Variants in DGKB observed in about 807,000 individuals in gnomAD.
DGKB encodes the protein 90 kDa diacylglycerol kinase.
In DGKB, 67 loss-of-function variants were observed where a neutral mutation model predicts 114.3. The ratio of observed to expected loss-of-function variants is 0.59; its 90% CI spans 0.48 to 0.72. The LOEUF is 0.72. Ranked by LOEUF, DGKB falls within the 30% of genes least tolerant of loss-of-function variation. DGKB has a pLI of 0.00. For synonymous variants in DGKB, 398 were observed against 323.1 expected, an observed-to-expected ratio of 1.23 and a Z score of -2.49; for missense variants, 907 against 975.2, an observed-to-expected ratio of 0.93 and a Z score of 0.93.
chr7:14,796,131 T>C (rs1841374847), intron 2 of DGKB, among the ~76,000 whole-genome samples: 1 of 152,168 alleles, frequency 6.6e-6, no homozygotes, highest in Non-Finnish European at 1.5e-5. Context: ...TTACAAAAAG[T>C]TGATGGGTGC....
intron 21 of DGKB, among the ~76,000 whole-genome samples, chr7:14,420,263 T>C (rs1406593073): frequency 6.6e-6 from 1 of 152,048 alleles, no homozygotes; most frequent in Non-Finnish European, 1.5e-5. Context: ...TAAAGATGAA[T>C]TCAAGTGGTA....
At chr7:14,212,538 G>C (rs1788287691) in intron 23 of DGKB, among the ~76,000 whole-genome samples, 1 of 152,074 alleles carries the variant, frequency 6.6e-6, no homozygotes, top group African/African-American at 2.4e-5. Context: ...ATTATGCAGG[G>C]ATTTGTCCTG....
At chr7:14,873,638 A>C (rs1199929259) in intron 1 of DGKB, among the ~76,000 whole-genome samples, 1 of 151,970 alleles carries the variant, frequency 6.6e-6, no homozygotes, top group African/African-American at 2.4e-5. Context: ...ATAGAAGTTT[A>C]CATATACTAT....
At chr7:14,254,532 T>A (rs533103255) in intron 23 of DGKB, among the ~76,000 whole-genome samples, 25 of 152,308 alleles carry the variant, frequency 1.6e-4, no homozygotes, top group African/African-American at 6.0e-4. Context: ...CCAGCAACCC[T>A]GAATCTTACT....
intron 25 of DGKB, among the ~76,000 whole-genome samples, chr7:14,156,106 A>G (rs1037630131): frequency 6.6e-6 from 1 of 152,136 alleles, no homozygotes; most frequent in African/African-American, 2.4e-5. Flanking sequence ...AAGTGCTATC[A>G]TATAAACATT....
chr7:14,312,049 T>C (rs1805480309), intron 23 of DGKB, among the ~76,000 whole-genome samples: 1 of 152,080 alleles, frequency 6.6e-6, no homozygotes, highest in African/African-American at 2.4e-5. Context: ...CAGCCTTCAG[T>C]GTGAGATATA....
chr7:14,901,180 T>C (rs1051688781), intron 1 of DGKB, among the ~76,000 whole-genome samples: 8 of 152,190 alleles, frequency 5.3e-5, no homozygotes, highest in Non-Finnish European at 8.8e-5. Context: ...TAAGCCTTTA[T>C]ACCTGGAGAT....
At chr7:14,527,975 C>A (rs952584650) in intron 20 of DGKB, among the ~76,000 whole-genome samples, 1 of 151,954 alleles carries the variant, frequency 6.6e-6, no homozygotes, top group South Asian at 2.1e-4. Context: ...AGTGTGTGAA[C>A]CCTATACCAT....
intron 21 of DGKB, among the ~76,000 whole-genome samples, chr7:14,457,902 G>C (rs902026351): frequency 6.6e-6 from 1 of 152,152 alleles, no homozygotes; most frequent in Non-Finnish European, 1.5e-5. Flanking sequence ...TCTAAGTCCC[G>C]GCAACGCAAC....
At chr7:14,238,279 G>C (rs7798945) in intron 23 of DGKB, among the ~76,000 whole-genome samples, 1 of 151,620 alleles carries the variant, frequency 6.6e-6, no homozygotes, top group African/African-American at 2.4e-5. Flanking sequence ...AAGATCTGAC[G>C]GTTTAATAGT....
intron 21 of DGKB, among the ~76,000 whole-genome samples, chr7:14,458,197 G>A (rs1832574312): frequency 6.6e-6 from 1 of 151,354 alleles, no homozygotes; most frequent in Non-Finnish European, 1.5e-5. Flanking sequence ...ATTTATGTGA[G>A]GATCACAATA....
intron 23 of DGKB, among the ~76,000 whole-genome samples, chr7:14,300,085 C>G (rs994997441): frequency 1.5e-4 from 23 of 151,968 alleles, no homozygotes. Flanking sequence ...TGAAAGATAT[C>G]TACCAAAAAA....
chr7:14,276,980 T>A (rs1244200273), intron 23 of DGKB, among the ~76,000 whole-genome samples: 1 of 152,070 alleles, frequency 6.6e-6, no homozygotes, highest in Admixed American at 6.6e-5. Context: ...ATATCTTTTT[T>A]GTGGTGAGAT....
intron 20 of DGKB, among the ~76,000 whole-genome samples, chr7:14,508,307 TA>T (rs1274752195): frequency 6.6e-6 from 1 of 152,196 alleles, no homozygotes; most frequent in African/African-American, 2.4e-5. Context: ...TTGTGTTTTA[TA>T]AACTAGTAAA....
chr7:14,578,549 C>T (rs1799493164), intron 19 of DGKB, among the ~76,000 whole-genome samples: 1 of 152,126 alleles, frequency 6.6e-6, no homozygotes, highest in Non-Finnish European at 1.5e-5. Context: ...ATCTTGATAC[C>T]TTGCTTTCCC....
At chr7:14,335,844 C>T (rs938986894) in intron 23 of DGKB, among the ~76,000 whole-genome samples, 1 of 152,058 alleles carries the variant, frequency 6.6e-6, no homozygotes, top group African/African-American at 2.4e-5. Context: ...GTCTTGAACT[C>T]CTGAGGTCAA....
chr7:14,838,537 CCTCT>C (rs146089881), intron 2 of DGKB, among the ~76,000 whole-genome samples: 7 of 149,704 alleles, frequency 4.7e-5, no homozygotes, highest in East Asian at 1.9e-4. Flanking sequence ...TCTCTCTTCC[CCTCT>C]CTCTCTCTCT....
chr7:14,553,527 C>T (rs999801024), intron 20 of DGKB, among the ~76,000 whole-genome samples: 3 of 152,128 alleles, frequency 2.0e-5, no homozygotes, highest in Non-Finnish European at 4.4e-5. Context: ...TTATATCTAT[C>T]CAGTTAAAAT....
In DGKB at chr7:14,878,757, A is replaced by AAC. The variant is rs1554325423; in HGVS notation, c.-188+23834_-188+23835insGT. On this transcript the variant is annotated intron_variant, in intron 1 of 25. Transcript: ENST00000402815. Reference sequence around the variant, plus strand: ...GCGTGAGACTCCGTCTCAAAAAACAAAAAAAAAAAAACAAAAAAAAAAAAC... The same window carrying AAC: ...GCGTGAGACTCCGTCTCAAAAAACAAACAAAAAAAAAAACAAAAAAAAAAAAC... 3.6e-3 allele frequency among the ~76,000 whole-genome samples: 529 copies of AAC among 146,358 alleles called. 4 individuals are homozygous for AAC. Among genetic ancestry groups the AAC allele is most frequent in the South Asian group, 7.6e-3 (36 of 4,728 alleles).
Sources: gnomAD v4.1 joint callset for allele counts (sites outside exome capture counted in the v4.1 genomes callset) on GRCh38, gnomAD v4.1.1 for gene constraint, MANE v1.5 for transcripts, NCBI Gene and HGNC (gene_info 2026-07-23, HGNC 2026-07-21) for gene names.